The following SLC44A3 variants were observed in gnomAD, a reference collection of about 807,000 sequenced individuals.
The protein encoded by SLC44A3 is solute carrier family 44 member 3, also known as choline transporter-like protein 3.
SLC44A3 carries 74 observed loss-of-function variants against 75.4 expected under a neutral mutation model. That is an observed-to-expected ratio of 0.98 (90% CI 0.81 to 1.19). The LOEUF (loss-of-function observed/expected upper bound fraction) is 1.19, where lower values mean the gene tolerates loss of function less well. Among genes scored for constraint, SLC44A3 ranks in the 50% most tolerant of loss-of-function variants. The pLI is 0.00. For missense variants in SLC44A3, 700 were observed against 778.6 expected (o/e 0.90, Z 1.20); for synonymous variants, 310 against 296.9 (o/e 1.04, Z -0.45).
intron 3 of SLC44A3, among the ~76,000 whole-genome samples, chr1:94,824,920 A>G (rs1314187963): frequency 6.6e-6 from 1 of 152,174 alleles, no homozygotes; most frequent in African/African-American, 2.4e-5. Flanking sequence ...TACCTACCTC[A>G]CAAGGTTGTT....
At chr1:94,844,400 T>A (rs936029468) in intron 8 of SLC44A3, among the ~76,000 whole-genome samples, 4 of 152,196 alleles carry the variant, frequency 2.6e-5, no homozygotes, top group African/African-American at 9.7e-5. Flanking sequence ...GGTTTTTATT[T>A]GGAGGTTGTC....
intron 12 of SLC44A3, among the ~76,000 whole-genome samples, chr1:94,885,399 A>G (rs892153363): frequency 1.3e-5 from 2 of 152,040 alleles, no homozygotes; most frequent in African/African-American, 4.8e-5. Context: ...GTCTTTTCCA[A>G]GCAGCAAAGT....
intron 10 of SLC44A3, among the ~76,000 whole-genome samples, chr1:94,862,556 TC>T (rs1666698256): frequency 6.6e-6 from 1 of 152,206 alleles, no homozygotes; most frequent in Non-Finnish European, 1.5e-5. Flanking sequence ...GCAACTGGCT[TC>T]GTTGTTCTGG....
At chr1:94,886,992 T>C (rs1338098797) in intron 12 of SLC44A3, among the ~76,000 whole-genome samples, 4 of 151,918 alleles carry the variant, frequency 2.6e-5, no homozygotes, top group Non-Finnish European at 5.9e-5. Context: ...TGGGAATAAA[T>C]CAAAAGCCGA....
intron 5 of SLC44A3, among the ~76,000 whole-genome samples, chr1:94,837,072 G>A (rs761355861): frequency 1.4e-4 from 21 of 152,170 alleles, no homozygotes; most frequent in Non-Finnish European, 3.1e-4. Flanking sequence ...AAATAAACCA[G>A]GCATGTAAGG....
At chr1:94,884,184 C>T (rs936140815) in intron 12 of SLC44A3, among the ~76,000 whole-genome samples, 1 of 152,244 alleles carries the variant, frequency 6.6e-6, no homozygotes, top group African/African-American at 2.4e-5. Context: ...ACCCCACCTC[C>T]CACCTGGCTG....
intron 3 of SLC44A3, among the ~76,000 whole-genome samples, chr1:94,824,985 CTAT>C (rs1661109799): frequency 6.6e-6 from 1 of 152,222 alleles, no homozygotes; most frequent in Non-Finnish European, 1.5e-5. Flanking sequence ...TTAATTGCTG[CTAT>C]TATTCTCCAT....
At chr1:94,824,736 T>G in intron 3 of SLC44A3, 101 bp downstream of exon 3, 1 of 1,383,002 alleles carries the variant, frequency 7.2e-7, no homozygotes, top group Non-Finnish European at 9.7e-7. Flanking sequence ...TTCAAAACTC[T>G]GTCAGCCTAT....
chr1:94,880,332 T>C (rs1668810404), intron 12 of SLC44A3, among the ~76,000 whole-genome samples: 1 of 152,214 alleles, frequency 6.6e-6, no homozygotes, highest in African/African-American at 2.4e-5. Context: ...TAGAATATTA[T>C]GTATCCAAGT....
At position 94,820,965 on chromosome 1, in the gene SLC44A3, C is replaced by G. The variant is rs1474899013; in HGVS notation, c.44C>G (p.Ala15Gly). ...TTCTGGAAGGTTTCTGCAGAAGGAG[C>G]CCCTAGGCAAAGGGAGTGGCGACCC... ...GAEYLVSAEG[A>G]PRQREWRPQI... Residue 15 changes from alanine to glycine, a missense_variant, in exon 2 of 15, where the codon GCC (alanine) becomes GGC (glycine). Ala to Gly is a moderately conservative substitution (Grantham distance 60). Coordinates refer to ENST00000271227, the MANE Select transcript of SLC44A3 (RefSeq NM_001114106.3). 1 of 1,551,204 alleles carries G rather than the reference C, an allele frequency of 6.4e-7. No homozygotes were observed. The highest frequency in any genetic ancestry group is 2.0e-5 in the Admixed American group (1 of 51,000).
chr1:94,872,689 G>A (rs1379043092), intron 12 of SLC44A3, among the ~76,000 whole-genome samples: 12 of 152,212 alleles, frequency 7.9e-5, no homozygotes, highest in Non-Finnish European at 1.8e-4. Flanking sequence ...TAGATTCAGT[G>A]ACCCCCAAGG....
At chr1:94,839,700 A>G (rs1361343333) in intron 6 of SLC44A3, among the ~76,000 whole-genome samples, 2 of 152,066 alleles carry the variant, frequency 1.3e-5, no homozygotes, top group African/African-American at 2.4e-5. Context: ...AATTTTTTTT[A>G]TTTTTGAGAA....
chr1:94,892,961 C>T (rs1670386547), intron 14 of SLC44A3, among the ~76,000 whole-genome samples: 1 of 152,216 alleles, frequency 6.6e-6, no homozygotes, highest in Non-Finnish European at 1.5e-5. Context: ...TTGTGTGCTC[C>T]TCTGTGCCAG....
chr1:94,865,006 C>A, intron 11 of SLC44A3, 107 bp downstream of exon 11: 1 of 1,237,594 alleles, frequency 8.1e-7, no homozygotes, highest in Non-Finnish European at 1.1e-6. Flanking sequence ...CCTGTGACAG[C>A]GGGCCGTGCA....
intron 14 of SLC44A3, 29 bp from the exon 15 acceptor site, chr1:94,894,789 C>CTA (rs1670597727): frequency 5.7e-6 from 9 of 1,572,218 alleles, no homozygotes; most frequent in Non-Finnish European, 7.8e-6. Context: ...ACACATAATA[C>CTA]TATTCTAACT....
chr1:94,864,897 C>T lies in SLC44A3; in HGVS notation c.1393C>T (p.Gln465Ter), dbSNP rs900082366. ...VMYMQNALKE[Q>*]QHGALSRYLF... ...GTACATGCAAAACGCACTGAAAGAA[C>T]AGGTAAGGCTACCTCCTGATACACA... Residue 465 changes from glutamine (Q) to a stop codon, truncating the protein, a stop_gained and splice_region_variant, in exon 11 of 15, where the codon CAG (glutamine) becomes TAG (stop). Transcript: ENST00000271227. LOFTEE classifies it high-confidence loss of function. The T allele has an allele frequency of 6.2e-7, 1 of 1,613,334 alleles. No homozygotes were observed. The highest frequency in any genetic ancestry group is 1.1e-5 in the South Asian group (1 of 90,986).
At chr1:94,855,641 T>C (rs859103) in intron 9 of SLC44A3, among the ~76,000 whole-genome samples, 141,330 of 152,232 alleles carry the variant, frequency 0.93, 66,465 homozygotes, top group East Asian at 1. Context: ...AATCAAGCTG[T>C]TCCACTGTTT....
intron 10 of SLC44A3, among the ~76,000 whole-genome samples, chr1:94,860,265 A>G (rs1314763322): frequency 6.6e-6 from 1 of 152,246 alleles, no homozygotes; most frequent in Admixed American, 6.5e-5. Context: ...TTGAGTAATT[A>G]AAAGTATGAT....
rs764342737 is a variant in SLC44A3, at chr1:94,842,089, G to T, written c.850G>T (p.Val284Leu). Residue 284 changes from valine (V) to leucine (L), a missense_variant, in exon 8 of 15, where the codon GTG becomes TTG. Val to Leu is a conservative substitution (Grantham distance 32). Coordinates refer to ENST00000271227, the MANE Select transcript of SLC44A3 (RefSeq NM_001114106.3). The stretch of plus-strand genomic sequence containing the variant: ...CACAGAAAGGGAAAATATGAAGTGC[G>T]TGCTGGGGTTTGCTATCGTATCCAC... The part of the protein sequence containing the change: ...LDTERENMKC[V>L]LGFAIVSTGI... 2.5e-6 allele frequency: 4 copies of T among 1,612,766 alleles called. No homozygotes were observed. The highest frequency in any genetic ancestry group is 2.7e-5 in the African/African-American group (2 of 74,848).
Sources: gnomAD v4.1 joint callset for allele counts (sites outside exome capture counted in the v4.1 genomes callset) on GRCh38, gnomAD v4.1.1 for gene constraint, MANE v1.5 for transcripts, NCBI Gene and HGNC (gene_info 2026-07-23, HGNC 2026-07-21) for gene names.